The following TMEM117 variants were observed in gnomAD, a reference collection of about 807,000 sequenced individuals.
The protein encoded by TMEM117 is transmembrane protein 117.
TMEM117 carries 27 observed loss-of-function variants against 52.4 expected under a neutral mutation model. The observed-to-expected ratio is 0.51, with a 90% CI of 0.38 to 0.71. TMEM117 has a LOEUF of 0.71. TMEM117 is among the 30% of genes least tolerant of loss of function. The pLI, the probability that TMEM117 is intolerant of heterozygous loss-of-function variation, is 0.00. For synonymous variants in TMEM117, 215 were observed against 206.3 expected, an observed-to-expected ratio of 1.04 and a Z score of -0.36; for missense variants, 556 against 630.5, an observed-to-expected ratio of 0.88 and a Z score of 1.26.
intron 5 of TMEM117, among the ~76,000 whole-genome samples, chr12:44,231,829 T>C (rs763298938): frequency 6.6e-6 from 1 of 151,790 alleles, no homozygotes; most frequent in Non-Finnish European, 1.5e-5. Flanking sequence ...ATTTTCTGCA[T>C]GCTAATTCCT....
chr12:43,828,716 T>TG, the TMEM117 span, among the ~76,000 whole-genome samples: 1 of 152,222 alleles, frequency 6.6e-6, no homozygotes, highest in Non-Finnish European at 1.5e-5. Flanking sequence ...TGGCTGGACC[T>TG]GAGAAGTCCA....
intron 2 of TMEM117, among the ~76,000 whole-genome samples, chr12:43,944,009 G>A (rs924333163): frequency 2.8e-4 from 42 of 152,148 alleles, no homozygotes; most frequent in Admixed American, 2.5e-3. Context: ...TGTGATATGA[G>A]GATCGTCTTC....
chr12:44,394,784 C>A, the TMEM117 span, among the ~76,000 whole-genome samples: 1 of 152,190 alleles, frequency 6.6e-6, no homozygotes, highest in Non-Finnish European at 1.5e-5. Context: ...AGCCCCTGCA[C>A]TTTAGGATCT....
chr12:44,294,041 T>G (rs73086782), intron 5 of TMEM117, among the ~76,000 whole-genome samples: 2,828 of 152,282 alleles, frequency 0.019, 40 homozygotes, highest in Non-Finnish European at 0.03. Context: ...TCCTTCTCTC[T>G]CCTACATTTC....
In TMEM117 at chr12:44,358,007, C is replaced by G. The variant is rs191132960; in HGVS notation, c.769-18588C>G. Among the ~76,000 whole-genome samples the G allele has an allele frequency of 2.0e-5, 3 of 152,202 alleles. No homozygotes were observed. In the East Asian group the frequency reaches 5.8e-4, roughly 29 times the overall value. The stretch of plus-strand genomic sequence containing the variant: ...TATGCAGCCATAACAAAGAACAAAA[C>G]CATGTCCTTTTCAGCAAATGGATGC... On this transcript the variant is annotated intron_variant, in intron 6 of 7. Coordinates refer to ENST00000266534, the MANE Select transcript of TMEM117 (RefSeq NM_032256.3).
At chr12:44,175,570 G>T (rs1182402783) in intron 4 of TMEM117, among the ~76,000 whole-genome samples, 14 of 152,156 alleles carry the variant, frequency 9.2e-5, no homozygotes. Context: ...AACGTCTTTT[G>T]CCCACAGATG....
At position 44,131,658 on chromosome 12, in the gene TMEM117, G is replaced by T. The variant is rs1180096992; in HGVS notation, c.411-11867G>T. Among the ~76,000 whole-genome samples, 3 of 151,832 alleles carry T rather than the reference G, an allele frequency of 2.0e-5. 1 individual carries two copies. Among genetic ancestry groups the T allele is most frequent in the African/African-American group, 7.3e-5 (3 of 41,344 alleles). ...TTATTTTAATTTATATATTTTGATAGCACACTGTATCTTCCTGATAAGTTG... is the reference window on the plus strand; with the variant it reads ...TTATTTTAATTTATATATTTTGATATCACACTGTATCTTCCTGATAAGTTG... On this transcript the variant is annotated intron_variant, in intron 3 of 7. Transcript: ENST00000266534.
At chr12:44,229,180 TG>T (rs1451968648) in intron 5 of TMEM117, among the ~76,000 whole-genome samples, 1 of 152,018 alleles carries the variant, frequency 6.6e-6, no homozygotes, top group Non-Finnish European at 1.5e-5. Flanking sequence ...AGGAGCAGGT[TG>T]GGAGAAGAGG....
intron 2 of TMEM117, among the ~76,000 whole-genome samples, chr12:43,900,912 G>T (rs1302050987): frequency 6.6e-6 from 1 of 152,008 alleles, no homozygotes; most frequent in African/African-American, 2.4e-5. Context: ...ACTATTCGAA[G>T]ACTCTTGACT....
At position 43,908,855 on chromosome 12, in the gene TMEM117, G is replaced by C. The variant is rs1489781061; in HGVS notation, c.278-35355G>C. Reference sequence around the variant, plus strand: ...CACCCAGATTCATAAAGCAAGTCCTGAGTGACCTACAAAGAGACTTAGACT... The same window carrying C: ...CACCCAGATTCATAAAGCAAGTCCTCAGTGACCTACAAAGAGACTTAGACT... On this transcript the variant is annotated intron_variant, in intron 2 of 7. Coordinates refer to ENST00000266534, the MANE Select transcript of TMEM117 (RefSeq NM_032256.3). 4.1e-5 allele frequency among the ~76,000 whole-genome samples: 6 copies of C among 147,906 alleles called. No homozygotes were observed. The Admixed American group carries it at 4.1e-4, about 10-fold the overall frequency.
At chr12:44,240,520 C>G (rs2138479308) in intron 5 of TMEM117, among the ~76,000 whole-genome samples, 1 of 152,162 alleles carries the variant, frequency 6.6e-6, no homozygotes, top group South Asian at 2.1e-4. Flanking sequence ...TCCTTATCTC[C>G]CAGTTACCCA....
intron 5 of TMEM117, among the ~76,000 whole-genome samples, chr12:44,225,273 T>C (rs1949846175): frequency 6.6e-6 from 1 of 152,136 alleles, no homozygotes; most frequent in African/African-American, 2.4e-5. Flanking sequence ...AGTAACATAG[T>C]GCTTAATGAA....
chr12:44,132,985 G>C (rs966569513), intron 3 of TMEM117, among the ~76,000 whole-genome samples: 2 of 152,158 alleles, frequency 1.3e-5, no homozygotes, highest in Non-Finnish European at 2.9e-5. Context: ...GTAAGAGCAA[G>C]TACAAGAACA....
intron 6 of TMEM117, among the ~76,000 whole-genome samples, chr12:44,365,897 A>G (rs1323318316): frequency 6.6e-6 from 1 of 152,070 alleles, no homozygotes; most frequent in African/African-American, 2.4e-5. Context: ...AATATAGTTC[A>G]GGGGCTACTG....
At chr12:44,182,307 C>G (rs992161521) in intron 4 of TMEM117, among the ~76,000 whole-genome samples, 3 of 152,116 alleles carry the variant, frequency 2.0e-5, no homozygotes, top group African/African-American at 7.2e-5. Flanking sequence ...CAAACAGGGA[C>G]AATTTGACTT....
chr12:43,971,109 C>A (rs1356373745), intron 3 of TMEM117, among the ~76,000 whole-genome samples: 1 of 152,014 alleles, frequency 6.6e-6, no homozygotes, highest in African/African-American at 2.4e-5. Flanking sequence ...TTTTTCTTCT[C>A]CCTTACCTCA....
chr12:44,127,127 C>A (rs1461283488), intron 3 of TMEM117, among the ~76,000 whole-genome samples: 1 of 152,026 alleles, frequency 6.6e-6, no homozygotes, highest in Non-Finnish European at 1.5e-5. Context: ...AAAGTGGAGG[C>A]AATTTTACAG....
intron 7 of TMEM117, among the ~76,000 whole-genome samples, chr12:44,378,306 A>T (rs972220758): frequency 2.0e-5 from 3 of 152,240 alleles, no homozygotes; most frequent in African/African-American, 7.2e-5. Flanking sequence ...TATTTAATTT[A>T]GGATTATTTT....
At chr12:44,331,409 A>G (rs532731557) in intron 6 of TMEM117, among the ~76,000 whole-genome samples, 55 of 152,078 alleles carry the variant, frequency 3.6e-4, no homozygotes, top group Non-Finnish European at 6.8e-4. Context: ...TCATAAGCTG[A>G]GAGTTGTCTT....
Sources: allele counts gnomAD v4.1 joint callset (sites outside exome capture counted in the v4.1 genomes callset), GRCh38; gene constraint gnomAD v4.1.1; transcripts MANE v1.5; gene names NCBI Gene and HGNC (gene_info 2026-07-23, HGNC 2026-07-21).